The following CDH23 variants were observed in gnomAD, a reference collection of about 807,000 sequenced individuals.
CDH23 encodes cadherin related 23.
A neutral mutation model predicts 317.1 loss-of-function variants in CDH23; 189 were observed. That is an observed-to-expected ratio of 0.60 (90% confidence interval 0.53 to 0.67). The LOEUF is 0.67. CDH23 is among the 30% of genes least tolerant of loss of function. CDH23 has a pLI of 0.00. For synonymous variants in CDH23, 1,839 were observed against 1,876.8 expected (o/e 0.98, Z 0.52); for missense variants, 4,401 against 4,592.4 (o/e 0.96, Z 1.20).
chr10:71,660,181 G>C (rs112668819), intron 14 of CDH23, among the ~76,000 whole-genome samples: 1 of 151,788 alleles, frequency 6.6e-6, no homozygotes, highest in Non-Finnish European at 1.5e-5. Flanking sequence ...GGATGGTCTC[G>C]ATCTCCTGAC....
At chr10:71,796,807 G>A (rs1841416385) in intron 48 of CDH23, 1 of 303,966 alleles carries the variant, frequency 3.3e-6, no homozygotes, top group Non-Finnish European at 6.4e-6. Flanking sequence ...ATTGAGAAAA[G>A]GATGGGTTGA....
intron 1 of CDH23, among the ~76,000 whole-genome samples, chr10:71,414,014 T>C (rs970374484): frequency 6.6e-6 from 1 of 151,884 alleles, no homozygotes; most frequent in Admixed American, 6.6e-5. Flanking sequence ...TTTTTTGTAC[T>C]GCAATTTTGC....
Position 71,695,403 on chromosome 10 carries a change from CT to C in CDH23, c.2290-13del, listed in dbSNP as rs397517316. ...CAGCTGGGTGTGTCTCCCAGCGCCC[CT>C]TATGGCTTCACAGGTAAACATCACC... On this transcript the variant is annotated splice_polypyrimidine_tract_variant and intron_variant, in intron 21 of 69. Transcript: ENST00000224721. 1,784 of 1,588,278 alleles carry C rather than the reference CT, an allele frequency of 1.1e-3. 13 individuals are homozygous for C. In the African/African-American group the frequency reaches 0.021, roughly 19 times the overall value.
At chr10:71,672,441 G>A (rs1864188815) in intron 14 of CDH23, among the ~76,000 whole-genome samples, 1 of 152,160 alleles carries the variant, frequency 6.6e-6, no homozygotes, top group South Asian at 2.1e-4. Context: ...GCAGAGGCAA[G>A]GAGCAGCTTT....
intron 28 of CDH23, among the ~76,000 whole-genome samples, chr10:71,720,895 G>A (rs774222849): frequency 7.2e-5 from 11 of 152,220 alleles, no homozygotes; most frequent in Admixed American, 3.9e-4. Context: ...CCCCTGTGCT[G>A]GGTGGGCAGG....
chr10:71,474,363 T>C (rs999174002), intron 3 of CDH23, among the ~76,000 whole-genome samples: 1 of 152,206 alleles, frequency 6.6e-6, no homozygotes, highest in Non-Finnish European at 1.5e-5. Flanking sequence ...AGGCTTTGGC[T>C]CTGTCAGTTC....
chr10:71,473,025 G>T (rs911837051), intron 3 of CDH23, among the ~76,000 whole-genome samples: 1 of 152,158 alleles, frequency 6.6e-6, no homozygotes, highest in African/African-American at 2.4e-5. Flanking sequence ...TGGAACTCAG[G>T]GTCTCTGGCT....
At chr10:71,577,434 A>G (rs1858290262) in intron 8 of CDH23, among the ~76,000 whole-genome samples, 1 of 151,866 alleles carries the variant, frequency 6.6e-6, no homozygotes, top group Admixed American at 6.6e-5. Flanking sequence ...TTTCATCCCT[A>G]AAGTAGTTGA....
intron 3 of CDH23, among the ~76,000 whole-genome samples, chr10:71,488,963 A>C (rs181985491): frequency 4.6e-5 from 7 of 152,260 alleles, no homozygotes; most frequent in Admixed American, 3.9e-4. Flanking sequence ...TGTAAGTTTA[A>C]ATGTTGGTAC....
At chr10:71,402,306 AT>A (rs1161029732) in intron 1 of CDH23, among the ~76,000 whole-genome samples, 1 of 152,206 alleles carries the variant, frequency 6.6e-6, no homozygotes, top group Non-Finnish European at 1.5e-5. Flanking sequence ...TATTTTTTAC[AT>A]ATTCTAAAAC....
chr10:71,458,931 G>A (rs1206890906), intron 3 of CDH23, among the ~76,000 whole-genome samples: 3 of 151,976 alleles, frequency 2.0e-5, no homozygotes, highest in African/African-American at 7.3e-5. Context: ...GGGACTACAG[G>A]CACCTGCCAC....
At chr10:71,690,438 C>T in intron 19 of CDH23, 30 bp from the exon 20 acceptor site, 2 of 1,518,976 alleles carry the variant, frequency 1.3e-6, no homozygotes, top group Admixed American at 1.9e-5. Flanking sequence ...GTGAGCAGCA[C>T]CCCCTGCCCC....
chr10:71,761,015 G>C, intron 38 of CDH23: 1 of 1,321,194 alleles, frequency 7.6e-7, no homozygotes, highest in Non-Finnish European at 1.1e-6. Flanking sequence ...TCCTGCCCCA[G>C]GTTCTCACGC....
At chr10:71,785,401 A>G (rs1232267558) in intron 43 of CDH23, among the ~76,000 whole-genome samples, 1 of 152,320 alleles carries the variant, frequency 6.6e-6, no homozygotes, top group South Asian at 2.1e-4. Flanking sequence ...GTGTCTGTAG[A>G]TGGCCAACAA....
intron 14 of CDH23, among the ~76,000 whole-genome samples, chr10:71,654,165 G>C (rs993441010): frequency 6.6e-6 from 1 of 152,210 alleles, no homozygotes; most frequent in Non-Finnish European, 1.5e-5. Context: ...CCAGGTGTGC[G>C]ACCTGTGCGG....
At chr10:71,651,629 G>A (rs1406642337) in intron 14 of CDH23, among the ~76,000 whole-genome samples, 1 of 151,964 alleles carries the variant, frequency 6.6e-6, no homozygotes, top group Non-Finnish European at 1.5e-5. Flanking sequence ...GAGGACGTGT[G>A]TGATGTGTGG....
chr10:71,814,135 ATTGACAC>A (rs1341059984), intron 69 of CDH23, among the ~76,000 whole-genome samples: 1 of 152,196 alleles, frequency 6.6e-6, no homozygotes, highest in African/African-American at 2.4e-5. Flanking sequence ...AGCTTGTCCT[ATTGACAC>A]TTTCTGCCTG....
intron 6 of CDH23, among the ~76,000 whole-genome samples, chr10:71,543,864 T>C (rs564001161): frequency 6.6e-6 from 1 of 152,090 alleles, no homozygotes; most frequent in Non-Finnish European, 1.5e-5. Context: ...AGCTGCTAAG[T>C]ACTGTAGAGC....
chr10:71,485,207 A>T (rs1412340591), intron 3 of CDH23, among the ~76,000 whole-genome samples: 1 of 151,744 alleles, frequency 6.6e-6, no homozygotes, highest in African/African-American at 2.4e-5. Flanking sequence ...TTGTATTTTT[A>T]GTAGAGACGG....
Sources: allele counts gnomAD v4.1 joint callset (sites outside exome capture counted in the v4.1 genomes callset), GRCh38; gene constraint gnomAD v4.1.1; transcripts MANE v1.5; gene names NCBI Gene and HGNC (gene_info 2026-07-23, HGNC 2026-07-21).